The following NELL1 variants were observed in gnomAD, a reference collection of about 807,000 sequenced individuals.
The protein encoded by NELL1 is neural EGFL like 1.
A neutral mutation model predicts 107.4 loss-of-function variants in NELL1; 76 were observed. The observed-to-expected ratio is 0.71, with a 90% CI of 0.59 to 0.86. The LOEUF (loss-of-function observed/expected upper bound fraction) is 0.86, where lower values mean the gene tolerates loss of function less well. Among genes scored for constraint, NELL1 ranks in the 40% least tolerant of loss-of-function variants. The probability of loss-of-function intolerance (pLI) is 0.00; values close to 1 mark genes in which losing one functional copy is unlikely to be tolerated. For synonymous variants in NELL1, 353 were observed against 341.2 expected (o/e 1.03, Z -0.38); for missense variants, 1,024 against 1,005.5 (o/e 1.02, Z -0.25).
chr11:20,994,174 G>C (rs1852040215), intron 12 of NELL1, among the ~76,000 whole-genome samples: 1 of 152,090 alleles, frequency 6.6e-6, no homozygotes, highest in Non-Finnish European at 1.5e-5. Flanking sequence ...GTTAGGATTT[G>C]AATGCCAGGT....
chr11:20,814,585 T>C lies in NELL1; in HGVS notation c.335+30755T>C, dbSNP rs1857582312. Among the ~76,000 whole-genome samples, 4 of 152,380 alleles carry C rather than the reference T, an allele frequency of 2.6e-5. 1 individual carries two copies. The South Asian group carries it at 8.3e-4, about 32-fold the overall frequency. ...TATTCTTGTGTTAATTCACTTAGGA[T>C]AACGTCCTTCAGCTACGTCCATGTT... On this transcript the variant is annotated intron_variant, in intron 3 of 19. Transcript: ENST00000357134.
At chr11:20,732,047 T>G (rs569029516) in intron 2 of NELL1, among the ~76,000 whole-genome samples, 1 of 152,324 alleles carries the variant, frequency 6.6e-6, no homozygotes, top group East Asian at 1.9e-4. Flanking sequence ...GGACCCATCC[T>G]TTCTAGGACT....
chr11:20,920,825 T>A (rs1229847401), intron 7 of NELL1, among the ~76,000 whole-genome samples: 2 of 151,968 alleles, frequency 1.3e-5, no homozygotes, highest in African/African-American at 2.4e-5. Context: ...TCTCAAAACG[T>A]TATTGTGTAA....
intron 12 of NELL1, among the ~76,000 whole-genome samples, chr11:20,985,600 T>C (rs1288648464): frequency 6.6e-6 from 1 of 152,172 alleles, no homozygotes. Context: ...TCTCAGAGAA[T>C]GTTGGGCCCT....
intron 14 of NELL1, among the ~76,000 whole-genome samples, chr11:21,275,384 G>A (rs1250018432): frequency 1.3e-5 from 2 of 152,130 alleles, no homozygotes; most frequent in Non-Finnish European, 2.9e-5. Flanking sequence ...CCAATAACAG[G>A]CTCTGAAATT....
intron 15 of NELL1, among the ~76,000 whole-genome samples, chr11:21,435,745 T>G (rs1484066593): frequency 6.6e-6 from 1 of 151,970 alleles, no homozygotes; most frequent in Non-Finnish European, 1.5e-5. Flanking sequence ...TTGCATGTTT[T>G]GCATGTGTTT....
intron 14 of NELL1, 96 bp downstream of exon 14, chr11:21,229,550 CACAG>C: frequency 1.3e-6 from 2 of 1,520,716 alleles, no homozygotes; most frequent in Non-Finnish European, 1.8e-6. Context: ...CTTGGTGGAA[CACAG>C]CCAGGGTTCC....
chr11:21,139,867 A>T (rs1203488044), intron 13 of NELL1, among the ~76,000 whole-genome samples: 13 of 152,200 alleles, frequency 8.5e-5, no homozygotes, highest in Non-Finnish European at 1.5e-5. Context: ...TTGGCACAGC[A>T]ACACAAGGAT....
In NELL1 at chr11:20,926,796, G is replaced by A. The variant is rs1051042766; in HGVS notation, c.760-512G>A. 5.3e-5 allele frequency among the ~76,000 whole-genome samples: 8 copies of A among 152,252 alleles called. No individual in the cohort carries two copies. In the East Asian group the frequency reaches 1.2e-3, roughly 22 times the overall value. On this transcript the variant is annotated intron_variant, in intron 7 of 19. Transcript: ENST00000357134. Reference sequence around the variant, plus strand: ...CATTCTGTTTGGGGGATCCGCTTACGACTTTTCTTTTTTTCTGACCCCAGC... The same window carrying A: ...CATTCTGTTTGGGGGATCCGCTTACAACTTTTCTTTTTTTCTGACCCCAGC...
chr11:21,462,726 G>A (rs570715833), intron 15 of NELL1, among the ~76,000 whole-genome samples: 25 of 152,126 alleles, frequency 1.6e-4, no homozygotes, highest in South Asian at 1.0e-3. Flanking sequence ...GATGACTTCT[G>A]AGAGTCAAGG....
chr11:21,203,596 C>T (rs902034172), intron 13 of NELL1, among the ~76,000 whole-genome samples: 4 of 152,066 alleles, frequency 2.6e-5, no homozygotes, highest in Admixed American at 2.6e-4. Context: ...TTAATTGGGG[C>T]ATTTAGCCCA....
chr11:20,968,181 T>G (rs1453214078), intron 12 of NELL1, among the ~76,000 whole-genome samples: 1 of 152,246 alleles, frequency 6.6e-6, no homozygotes, highest in East Asian at 1.9e-4. Flanking sequence ...TTTGTAGCAC[T>G]TATTCTTTGA....
At chr11:21,215,869 G>A (rs995257051) in intron 13 of NELL1, among the ~76,000 whole-genome samples, 1 of 152,174 alleles carries the variant, frequency 6.6e-6, no homozygotes, top group African/African-American at 2.4e-5. Flanking sequence ...ACTTTCTGGG[G>A]AGAAATTCAA....
At chr11:21,091,055 A>G (rs1024641045) in intron 12 of NELL1, among the ~76,000 whole-genome samples, 1 of 152,228 alleles carries the variant, frequency 6.6e-6, no homozygotes, top group Non-Finnish European at 1.5e-5. Context: ...ATTTTCTGGC[A>G]CATAATAGGT....
chr11:20,728,108 C>T (rs1047488407), intron 2 of NELL1, among the ~76,000 whole-genome samples: 2 of 151,898 alleles, frequency 1.3e-5, no homozygotes, highest in Non-Finnish European at 2.9e-5. Flanking sequence ...TGTATCTTTT[C>T]GAGGAGTGTT....
intron 15 of NELL1, among the ~76,000 whole-genome samples, chr11:21,381,875 G>A (rs1851616861): frequency 8.3e-6 from 1 of 119,968 alleles, no homozygotes; most frequent in African/African-American, 3.2e-5. Flanking sequence ...ATAGTGGCAT[G>A]TTTAACTTGG....
chr11:20,710,863 G>A (rs1024186753), intron 2 of NELL1, among the ~76,000 whole-genome samples: 33 of 152,116 alleles, frequency 2.2e-4, no homozygotes, highest in African/African-American at 7.7e-4. Context: ...TATGGTGTCA[G>A]TTGTAATATC....
At chr11:20,685,479 T>A (rs1031757648) in intron 2 of NELL1, among the ~76,000 whole-genome samples, 3 of 152,054 alleles carry the variant, frequency 2.0e-5, no homozygotes, top group South Asian at 4.1e-4. Context: ...TCTGTTAATA[T>A]AGGCAGACTT....
chr11:21,031,433 T>G lies in NELL1; in HGVS notation c.1300+70873T>G, dbSNP rs148656421. Among the ~76,000 whole-genome samples, 500 of 152,360 alleles carry G rather than the reference T, an allele frequency of 3.3e-3. 1 individual carries two copies. The highest frequency in any genetic ancestry group is 4.6e-3 in the Non-Finnish European group (315 of 68,028). ...GATGCAAGGTAGCAGCATTGTGCACTGTAAGAAATTGTATCAGAGTTTAGG... is the reference window on the plus strand; with the variant it reads ...GATGCAAGGTAGCAGCATTGTGCACGGTAAGAAATTGTATCAGAGTTTAGG... On this transcript the variant is annotated intron_variant, in intron 12 of 19. Transcript: ENST00000357134.
Sources: gnomAD v4.1 joint callset for allele counts (sites outside exome capture counted in the v4.1 genomes callset) on GRCh38, gnomAD v4.1.1 for gene constraint, MANE v1.5 for transcripts, NCBI Gene and HGNC (gene_info 2026-07-23, HGNC 2026-07-21) for gene names.